TEDC1: variants seen among roughly 807,000 people sequenced by gnomAD.
TEDC1 encodes the protein tubulin epsilon and delta complex 1, also known as tubulin epsilon and delta complex protein 1.
In TEDC1, 54 loss-of-function variants were observed where a neutral mutation model predicts 59.9. The ratio of observed to expected loss-of-function variants is 0.90; its 90% CI spans 0.72 to 1.13. The LOEUF is 1.13. Among genes scored for constraint, TEDC1 ranks in the 50% most tolerant of loss-of-function variants. TEDC1 has a pLI of 0.00. For synonymous variants in TEDC1, 353 were observed against 298.1 expected (o/e 1.18, Z -1.90); for missense variants, 734 against 683.4 (o/e 1.07, Z -0.83).
chr14:105,497,996 C>G lies in TEDC1; in HGVS notation c.1158+19C>G. ...GGCCAAGGTGAGTGCCAGCCTCGCT[C>G]TGGGCACCAGCCCAGCCCCACCTTC... On this transcript the variant is annotated intron_variant, in intron 8 of 8. Coordinates refer to ENST00000392523, the MANE Select transcript of TEDC1 (RefSeq NM_001367178.1). The G allele has an allele frequency of 1.3e-6, 2 of 1,502,270 alleles. No homozygotes were observed. Among genetic ancestry groups the G allele is most frequent in the Non-Finnish European group, 1.8e-6 (2 of 1,123,744 alleles). 93.1% of individuals were successfully genotyped at this position (1,502,270 alleles called of 1,614,324 possible).
rs1555441217 is a variant in TEDC1, at chr14:105,499,068, A to G, written c.*122A>G. The G allele has an allele frequency of 9.2e-7, 1 of 1,090,258 alleles. No homozygotes were observed. The highest frequency in any genetic ancestry group is 1.3e-6 in the Non-Finnish European group (1 of 779,342). The allele number at this position is 1,090,258 out of a possible 1,614,324, so 67.5% of individuals were successfully genotyped here. A position where few individuals can be genotyped will look rare whatever the true frequency, so the allele number is the denominator to read the frequency against. ...GATGCAGATGCAGAGCCCACGTCACATGCTCGCTCCAGGGGTGGGGCTGGG... is the reference window on the plus strand; with the variant it reads ...GATGCAGATGCAGAGCCCACGTCACGTGCTCGCTCCAGGGGTGGGGCTGGG... On this transcript the variant is annotated 3_prime_UTR_variant, in exon 9 of 9. Transcript: ENST00000392523.
Position 105,492,573 on chromosome 14 carries a change from C to T in TEDC1, c.430-6C>T, listed in dbSNP as rs1438353955. 2 of 1,537,232 alleles carry T rather than the reference C, an allele frequency of 1.3e-6. No individual in the cohort carries two copies. Among genetic ancestry groups the T allele is most frequent in the East Asian group, 2.4e-5 (1 of 40,924 alleles). ...GGAGCAGGGCCTGACCCTTGCCCCT[C>T]TCCAGTGTGAGGCCCTGGCCAGCCC... On this transcript the variant is annotated splice_region_variant and splice_polypyrimidine_tract_variant and intron_variant, in intron 3 of 8. Coordinates refer to ENST00000392523, the MANE Select transcript of TEDC1 (RefSeq NM_001367178.1).
rs1555439403 is a variant in TEDC1, at chr14:105,491,719, C to T, written c.226+19C>T. 1 of 1,543,606 alleles carries T rather than the reference C, an allele frequency of 6.5e-7. No individual in the cohort carries two copies. The highest frequency in any genetic ancestry group is 2.0e-5 in the Admixed American group (1 of 50,982). ...GCCCTGGGTAAGCCCCGCTCCTGGC[C>T]CCGCCCACCCGGTAGCACTGGCCCC... On this transcript the variant is annotated intron_variant, in intron 2 of 8. Coordinates refer to ENST00000392523, the MANE Select transcript of TEDC1 (RefSeq NM_001367178.1).
At chr14:105,498,268 C>T (rs1384177432) in intron 8 of TEDC1, among the ~76,000 whole-genome samples, 1 of 152,318 alleles carries the variant, frequency 6.6e-6, no homozygotes, top group Non-Finnish European at 1.5e-5. Context: ...GCCACACATG[C>T]ATCACACGGT....
chr14:105,497,222 G>A lies in TEDC1; in HGVS notation c.892-135G>A, dbSNP rs587687183. 3.4e-5 allele frequency: 29 copies of A among 856,256 alleles called. No homozygotes were observed. In the East Asian group the frequency reaches 6.3e-4, roughly 19 times the overall value. The allele number at this position is 856,256 out of a possible 1,614,324, so 53.0% of individuals were successfully genotyped here. On this transcript the variant is annotated intron_variant, in intron 6 of 8. Coordinates refer to ENST00000392523, the MANE Select transcript of TEDC1 (RefSeq NM_001367178.1). ...CTCTGGCCAGAGAACCTGGGCGCAGGCAGGGGAGGGCTGCAGGGGCGGGGC... is the reference window on the plus strand; with the variant it reads ...CTCTGGCCAGAGAACCTGGGCGCAGACAGGGGAGGGCTGCAGGGGCGGGGC...
intron 2 of TEDC1, 100 bp downstream of exon 2, chr14:105,491,800 GC>G: frequency 7.4e-7 from 1 of 1,343,510 alleles, no homozygotes; most frequent in Non-Finnish European, 1.0e-6. Flanking sequence ...GCAGGCTCTA[GC>G]CCCCACCCAA....
intron 3 of TEDC1, 40 bp downstream of exon 3, chr14:105,492,349 C>T: frequency 6.3e-7 from 1 of 1,592,854 alleles, no homozygotes; most frequent in Admixed American, 1.7e-5. Context: ...GCCCTGGTCT[C>T]AACTCCTGGG....
intron 8 of TEDC1, 138 bp from the exon 9 acceptor site, chr14:105,498,479 A>G (rs1480892921): frequency 2.1e-6 from 2 of 959,708 alleles, no homozygotes; most frequent in Non-Finnish European, 1.5e-6. Context: ...TAAAATTTTC[A>G]GTAAGCCTCT....
rs1555441003 is a variant in TEDC1 at position 105,498,648 on chromosome 14, G to A, written c.1190G>A (p.Ser397Asn). 2 of 1,553,922 alleles carry A rather than the reference G, an allele frequency of 1.3e-6. No homozygotes were observed. Among genetic ancestry groups the A allele is most frequent in the Non-Finnish European group, 1.7e-6 (2 of 1,149,274 alleles). Residue 397 changes from serine (S) to asparagine (N), a missense_variant, in exon 9 of 9, where the codon AGT becomes AAT. Transcript: ENST00000392523. ...AGGCGRGPEW[S>N]AARRASREAV... ...GGCTGTGGACGGGGGCCAGAGTGGA[G>A]TGCCGCGCGGCGGGCCTCTCGGGAG...
chr14:105,491,036 C>G (rs376120202), upstream of TEDC1: 115 of 1,551,052 alleles, frequency 7.4e-5, no homozygotes, highest in African/African-American at 1.3e-3. Flanking sequence ...TACACTCAAA[C>G]TCCAGGGGAA....
At chr14:105,489,977 G>C (rs1234668924), upstream of TEDC1, 1 of 152,370 alleles carries the variant, frequency 6.6e-6, no homozygotes. Flanking sequence ...CCGCCCTGTA[G>C]CTCGGCAGGT....
chr14:105,494,579 C>G (rs948141219), intron 5 of TEDC1: 1 of 153,652 alleles, frequency 6.5e-6, no homozygotes, highest in South Asian at 2.0e-4. Context: ...ATCCTGAGCC[C>G]TGGATAGCAT....
In TEDC1 at chr14:105,498,530, C is replaced by T. The variant is rs145160927; in HGVS notation, c.1159-87C>T. On this transcript the variant is annotated intron_variant, in intron 8 of 8. Transcript: ENST00000392523. Reference sequence around the variant, plus strand: ...GTTTCCCGCATGCCTGCAGCGCCTGCACCTGAGTCTGGGCTCAGGGAATGC... The same window carrying T: ...GTTTCCCGCATGCCTGCAGCGCCTGTACCTGAGTCTGGGCTCAGGGAATGC... The T allele has an allele frequency of 4.3e-4, 585 of 1,372,794 alleles. 1 individual carries two copies. The Middle Eastern group carries it at 6.9e-3, about 16-fold the overall frequency. The allele number at this position is 1,372,794 out of a possible 1,614,324, so 85.0% of individuals were successfully genotyped here. A position where few individuals can be genotyped will look rare whatever the true frequency, so the allele number is the denominator to read the frequency against.
At chr14:105,491,181 TG>T (rs1312995425), upstream of TEDC1, 6 of 1,549,406 alleles carry the variant, frequency 3.9e-6, no homozygotes, top group Non-Finnish European at 3.5e-6. Flanking sequence ...GCGCGGTGAT[TG>T]GGCGCAGGTC....
intron 4 of TEDC1, among the ~76,000 whole-genome samples, chr14:105,493,366 C>T (rs2084262437): frequency 1.3e-5 from 2 of 152,160 alleles, no homozygotes; most frequent in African/African-American, 2.4e-5. Context: ...GCCTTGGCAC[C>T]AGCTGCTCCG....
chr14:105,495,737 C>G lies in TEDC1; in HGVS notation c.685-143C>G, dbSNP rs1020747732. On this transcript the variant is annotated intron_variant, in intron 5 of 8. Transcript: ENST00000392523. Reference sequence around the variant, plus strand: ...GGGCAGAGGAGAGGCTGCCCTGGCCCCAGGCTGCTCCTGCCCAGTGCCTCT... The same window carrying G: ...GGGCAGAGGAGAGGCTGCCCTGGCCGCAGGCTGCTCCTGCCCAGTGCCTCT... 1.8e-5 allele frequency: 13 copies of G among 705,438 alleles called. No homozygotes were observed. In the South Asian group the frequency reaches 2.5e-4, roughly 13 times the overall value. The allele number at this position is 705,438 out of a possible 1,614,324, so 43.7% of individuals were successfully genotyped here.
At chr14:105,491,825 T>G in intron 2 of TEDC1, 125 bp downstream of exon 2, 1 of 1,186,564 alleles carries the variant, frequency 8.4e-7, no homozygotes, top group South Asian at 1.4e-5. Context: ...TGACCCCGCT[T>G]GCTCCTCAAA....
At chr14:105,495,844 C>A (rs782416529) in intron 5 of TEDC1, 36 bp from the exon 6 acceptor site, 20 of 1,489,976 alleles carry the variant, frequency 1.3e-5, no homozygotes, top group Non-Finnish European at 1.4e-5. Context: ...CGGCACTGGC[C>A]AGGTGGACTG....
At chr14:105,491,015 A>G, upstream of TEDC1, 1 of 1,549,742 alleles carries the variant, frequency 6.5e-7, no homozygotes, top group Admixed American at 2.0e-5. Flanking sequence ...TCCGCACGAG[A>G]CAGAATAGAC....
Sources: allele counts gnomAD v4.1 joint callset (sites outside exome capture counted in the v4.1 genomes callset), GRCh38; gene constraint gnomAD v4.1.1; transcripts MANE v1.5; gene names NCBI Gene and HGNC (gene_info 2026-07-23, HGNC 2026-07-21).